Variants in APPL2 observed in about 807,000 individuals in gnomAD.
APPL2 encodes DCC-interacting protein 13-beta.
In APPL2, 84 loss-of-function variants were observed where a neutral mutation model predicts 92.7. The ratio of observed to expected loss-of-function variants is 0.91; its 90% CI spans 0.76 to 1.09. The LOEUF is 1.09. Among genes scored for constraint, APPL2 ranks in the 50% least tolerant of loss-of-function variants. The probability of loss-of-function intolerance (pLI) is 0.00; values close to 1 mark genes in which losing one functional copy is unlikely to be tolerated. For synonymous variants in APPL2, 291 were observed against 291.0 expected, an observed-to-expected ratio of 1.00 and a Z score of 0.00; for missense variants, 736 against 824.5, an observed-to-expected ratio of 0.89 and a Z score of 1.31.
rs567177006 is a variant in APPL2, at chr12:105,184,753, C to CA, written c.1634+3519dup. Among the ~76,000 whole-genome samples, 196 of 152,356 alleles carry CA rather than the reference C, an allele frequency of 1.3e-3. 1 individual carries two copies. Among genetic ancestry groups the CA allele is most frequent in the African/African-American group, 4.0e-3 (167 of 41,592 alleles). On this transcript the variant is annotated intron_variant, in intron 17 of 20. Coordinates refer to ENST00000258530, the MANE Select transcript of APPL2 (RefSeq NM_018171.5). The stretch of plus-strand genomic sequence containing the variant: ...AGAGTCAGGGACTCACTTGAGGAGG[C>CA]AGTCTGTCCCTTAGCAGAGCTCAAG...
At chr12:105,204,591 A>T (rs989473919) in intron 8 of APPL2, among the ~76,000 whole-genome samples, 1 of 152,224 alleles carries the variant, frequency 6.6e-6, no homozygotes, top group Non-Finnish European at 1.5e-5. Flanking sequence ...CACCACTGGA[A>T]ATGCCATTTG....
At chr12:105,235,033 AG>A (rs1891147600) in intron 1 of APPL2, among the ~76,000 whole-genome samples, 1 of 152,238 alleles carries the variant, frequency 6.6e-6, no homozygotes. Context: ...GAAAAAGGGA[AG>A]GAACCCCAAA....
chr12:105,226,521 ATGAGACAGCGT>A (rs1245991420), intron 2 of APPL2, among the ~76,000 whole-genome samples: 1 of 152,258 alleles, frequency 6.6e-6, no homozygotes, highest in Non-Finnish European at 1.5e-5. Flanking sequence ...AAAAAAATGC[ATGAGACAGCGT>A]TTGGATAACC....
chr12:105,195,393 G>A (rs781479774), intron 13 of APPL2, 44 bp from the exon 14 acceptor site: 17 of 1,613,942 alleles, frequency 1.1e-5, no homozygotes, highest in Non-Finnish European at 1.2e-5. Flanking sequence ...GGAGGTGGAC[G>A]CTTACCTTCC....
chr12:105,195,496 T>C lies in APPL2; in HGVS notation c.1101A>G (p.Ile367Met). 6.2e-7 allele frequency: 1 copy of C among 1,614,178 alleles called. No individual in the cohort carries two copies. Among genetic ancestry groups the C allele is most frequent in the Non-Finnish European group, 8.5e-7 (1 of 1,180,028 alleles). ...GTCTGGAGATGTTGTTTATTGCACA[T>C]ATCCACTGTAGAGGACATTAAAAAA... ...AESRKENEEW[I>M]CAINNISRQI... Residue 367 changes from isoleucine (I) to methionine (M), a missense_variant, in exon 13 of 21, where the codon ATA (isoleucine) becomes ATG (methionine). Transcript: ENST00000258530.
intron 9 of APPL2, among the ~76,000 whole-genome samples, chr12:105,199,794 C>T (rs1399359608): frequency 2.0e-5 from 3 of 152,076 alleles, no homozygotes; most frequent in African/African-American, 7.2e-5. Context: ...ATGCTTGAAC[C>T]CAGCTACACA....
At chr12:105,209,965 C>T (rs1201678967) in intron 5 of APPL2, among the ~76,000 whole-genome samples, 1 of 151,396 alleles carries the variant, frequency 6.6e-6, no homozygotes, top group Non-Finnish European at 1.5e-5. Context: ...AAATCTTCAC[C>T]CTTTTTTTTT....
chr12:105,189,790 A>G lies in APPL2; in HGVS notation c.1441T>C (p.Ser481Pro). ...CACTTACCTTCTGCTTCTGGAAATG[A>G]TTCATCCTCAGTTTCACCAAAAGGG... is the stretch of plus-strand genomic sequence containing the variant. The part of the protein sequence containing the change: ...TNPFGETEDE[S>P]FPEAEDSLLQ... The change falls in exon 16 of 21, where the codon TCA becomes CCA. Residue 481 changes from serine (S) to proline (P), a missense_variant. By Grantham distance (74) the Ser-to-Pro change is moderately conservative. Transcript: ENST00000258530. 1 of 1,614,220 alleles carries G rather than the reference A, an allele frequency of 6.2e-7. No homozygotes were observed. Among genetic ancestry groups the G allele is most frequent in the Non-Finnish European group, 8.5e-7 (1 of 1,180,030 alleles).
chr12:105,186,631 T>TATATGATATATATG (rs368764204), intron 17 of APPL2, among the ~76,000 whole-genome samples: 10 of 121,770 alleles, frequency 8.2e-5, no homozygotes, highest in African/African-American at 3.3e-4. Flanking sequence ...ATATATCATA[T>TATATGATATATATG]ATATCATATA....
intron 17 of APPL2, among the ~76,000 whole-genome samples, chr12:105,186,636 C>A (rs57414678): frequency 1.1e-5 from 1 of 88,650 alleles, no homozygotes; most frequent in Non-Finnish European, 2.6e-5. Flanking sequence ...TCATATATAT[C>A]ATATATATGA....
At chr12:105,188,512 G>C in intron 16 of APPL2, 65 bp from the exon 17 acceptor site, 1 of 1,553,250 alleles carries the variant, frequency 6.4e-7, no homozygotes, top group South Asian at 1.2e-5. Context: ...CTGCATACCA[G>C]GGTCAGATGT....
chr12:105,186,691 T>C (rs1224917105), intron 17 of APPL2, among the ~76,000 whole-genome samples: 10 of 61,156 alleles, frequency 1.6e-4, no homozygotes, highest in Non-Finnish European at 2.8e-4. Context: ...CATATATATA[T>C]CATATATCAT....
Position 105,181,706 on chromosome 12 carries a change from A to C in APPL2, c.1635-4444T>G, listed in dbSNP as rs186865185. Among the ~76,000 whole-genome samples the C allele has an allele frequency of 6.0e-3, 913 of 152,288 alleles. 6 individuals carry two copies. The highest frequency in any genetic ancestry group is 0.02 in the African/African-American group (850 of 41,562). Reference sequence around the variant, plus strand: ...TAATCTTGGGAGGGTGTATGTGTCCAGGAATTTATCCATTTCTTCTAGATT... The same window carrying C: ...TAATCTTGGGAGGGTGTATGTGTCCCGGAATTTATCCATTTCTTCTAGATT... On this transcript the variant is annotated intron_variant, in intron 17 of 20. Coordinates refer to ENST00000258530, the MANE Select transcript of APPL2 (RefSeq NM_018171.5).
chr12:105,232,950 G>C (rs1891028574), intron 1 of APPL2: 1 of 356,430 alleles, frequency 2.8e-6, no homozygotes. Context: ...TCCCAGCCGG[G>C]CCACTCAACT....
At chr12:105,213,665 T>G (rs1195247266) in intron 4 of APPL2, among the ~76,000 whole-genome samples, 2 of 152,202 alleles carry the variant, frequency 1.3e-5, no homozygotes, top group Non-Finnish European at 2.9e-5. Flanking sequence ...CCACATAAAT[T>G]TCTACTTTTT....
intron 14 of APPL2, 85 bp from the exon 15 acceptor site, chr12:105,190,240 A>G: frequency 7.2e-7 from 1 of 1,396,580 alleles, no homozygotes; most frequent in Admixed American, 2.2e-5. Context: ...GACTTTTATG[A>G]ATGAAAATAC....
At chr12:105,211,179 T>C (rs374682513) in intron 5 of APPL2, 51 bp downstream of exon 5, 97 of 1,211,476 alleles carry the variant, frequency 8.0e-5, no homozygotes, top group Admixed American at 3.3e-4. Context: ...TATTATGAAA[T>C]GCATTACACA....
chr12:105,199,277 C>T, intron 10 of APPL2, 96 bp downstream of exon 10: 1 of 1,429,210 alleles, frequency 7.0e-7, no homozygotes. Flanking sequence ...ACCCACCCAC[C>T]TCCCTCTGAC....
At chr12:105,199,576 C>T in intron 9 of APPL2, 45 bp from the exon 10 acceptor site, 2 of 1,584,842 alleles carry the variant, frequency 1.3e-6, no homozygotes, top group Non-Finnish European at 1.7e-6. Context: ...GCTGGCCAAC[C>T]CAGCACTACT....
Sources: allele counts gnomAD v4.1 joint callset (sites outside exome capture counted in the v4.1 genomes callset), GRCh38; gene constraint gnomAD v4.1.1; transcripts MANE v1.5; gene names NCBI Gene and HGNC (gene_info 2026-07-23, HGNC 2026-07-21).